The following TRAF3IP1 variants were observed in gnomAD, a reference collection of about 807,000 sequenced individuals.
TRAF3IP1 encodes the protein intraflagellar transport 54, also known as TRAF3-interacting protein 1.
Under a neutral mutation model 89.9 loss-of-function variants are expected in TRAF3IP1, and 53 were observed. The observed-to-expected ratio is 0.59, with a 90% CI of 0.47 to 0.74. The LOEUF (loss-of-function observed/expected upper bound fraction) is 0.74. Among genes scored for constraint, TRAF3IP1 ranks in the 30% least tolerant of loss-of-function variants. TRAF3IP1 has a pLI of 0.00. For missense variants in TRAF3IP1, 806 were observed against 866.1 expected (o/e 0.93, Z 0.87); for synonymous variants, 311 against 322.1 (o/e 0.97, Z 0.37).
At chr2:238,366,962 G>C (rs1264499333) in intron 15 of TRAF3IP1, among the ~76,000 whole-genome samples, 1 of 151,870 alleles carries the variant, frequency 6.6e-6, no homozygotes, top group Non-Finnish European at 1.5e-5. Context: ...GGGAGATTGA[G>C]ACCATCCTGG....
intron 15 of TRAF3IP1, among the ~76,000 whole-genome samples, chr2:238,389,748 A>G (rs1700916857): frequency 6.8e-6 from 1 of 146,336 alleles, no homozygotes; most frequent in Non-Finnish European, 1.5e-5. Context: ...ACTCCATCTC[A>G]AATAATAATA....
Position 238,349,835 on chromosome 2 carries a change from C to T in TRAF3IP1, c.1451+427C>T, listed in dbSNP as rs1044013377. ...CTGTAATCCCAACATTTTGGGAGGC[C>T]GAGGCGGGCGGATGGCTTGAGGTCA... is the stretch of plus-strand genomic sequence containing the variant. On this transcript the variant is annotated intron_variant, in intron 12 of 16. Coordinates refer to ENST00000373327, the MANE Select transcript of TRAF3IP1 (RefSeq NM_015650.4). Among the ~76,000 whole-genome samples the T allele has an allele frequency of 1.2e-4, 19 of 152,130 alleles. 2 individuals are homozygous for T. Among genetic ancestry groups the T allele is most frequent in the African/African-American group, 1.9e-4 (8 of 41,432 alleles).
intron 5 of TRAF3IP1, among the ~76,000 whole-genome samples, chr2:238,330,081 A>G (rs1007816821): frequency 6.6e-6 from 1 of 151,584 alleles, no homozygotes; most frequent in Non-Finnish European, 1.5e-5. Context: ...CATTTGTGTC[A>G]CTCTCAGTAT....
At chr2:238,332,546 T>G (rs1317934736) in intron 5 of TRAF3IP1, among the ~76,000 whole-genome samples, 3 of 152,114 alleles carry the variant, frequency 2.0e-5, no homozygotes, top group South Asian at 2.1e-4. Flanking sequence ...TAGGGATTCG[T>G]GTTCTGTGTA....
chr2:238,344,482 A>C lies in TRAF3IP1; in HGVS notation c.1160-15A>C. 6.2e-7 allele frequency: 1 copy of C among 1,607,282 alleles called. No individual in the cohort carries two copies. Among genetic ancestry groups the C allele is most frequent in the Non-Finnish European group, 8.5e-7 (1 of 1,173,838 alleles). On this transcript the variant is annotated splice_polypyrimidine_tract_variant and intron_variant, in intron 8 of 16. Coordinates refer to ENST00000373327, the MANE Select transcript of TRAF3IP1 (RefSeq NM_015650.4). ...GTACAGTCTTAATGACTAATTTTAA[A>C]CTGTTTTATGTCAGGAACAAAAGAA... is the stretch of plus-strand genomic sequence containing the variant.
At chr2:238,366,855 G>A (rs546674064) in intron 15 of TRAF3IP1, among the ~76,000 whole-genome samples, 2 of 152,200 alleles carry the variant, frequency 1.3e-5, no homozygotes, top group African/African-American at 2.4e-5. Flanking sequence ...ATGATGTTGT[G>A]TTAGCCCCAG....
intron 15 of TRAF3IP1, among the ~76,000 whole-genome samples, chr2:238,388,658 C>T (rs1451110736): frequency 1.5e-5 from 2 of 132,888 alleles, no homozygotes; most frequent in African/African-American, 5.7e-5. Context: ...AGTGCAATGG[C>T]GTGATCTCAG....
At chr2:238,375,466 C>G (rs1232976948) in intron 15 of TRAF3IP1, among the ~76,000 whole-genome samples, 1 of 152,168 alleles carries the variant, frequency 6.6e-6, no homozygotes, top group Non-Finnish European at 1.5e-5. Flanking sequence ...ATCCTGAGTT[C>G]TAATTTGATT....
chr2:238,376,619 G>T (rs1700327834), intron 15 of TRAF3IP1, among the ~76,000 whole-genome samples: 1 of 152,114 alleles, frequency 6.6e-6, no homozygotes, highest in African/African-American at 2.4e-5. Flanking sequence ...GTCTTTTAGT[G>T]AATGTTTATA....
chr2:238,369,785 T>G (rs1296786108), intron 15 of TRAF3IP1, among the ~76,000 whole-genome samples: 1 of 152,222 alleles, frequency 6.6e-6, no homozygotes, highest in Non-Finnish European at 1.5e-5. Flanking sequence ...GGAAGTACTT[T>G]GTACAATCGA....
At chr2:238,368,984 C>T (rs958835452) in intron 15 of TRAF3IP1, among the ~76,000 whole-genome samples, 14 of 152,056 alleles carry the variant, frequency 9.2e-5, no homozygotes, top group African/African-American at 2.4e-4. Context: ...TTGATAAATA[C>T]TTTGTAAATA....
chr2:238,357,837 A>G (rs2106333687), intron 15 of TRAF3IP1, among the ~76,000 whole-genome samples: 1 of 152,324 alleles, frequency 6.6e-6, no homozygotes, highest in African/African-American at 2.4e-5. Context: ...ATTTTTACGC[A>G]AAGCATATTA....
intron 15 of TRAF3IP1, among the ~76,000 whole-genome samples, chr2:238,384,587 G>A (rs1312785397): frequency 1.6e-5 from 2 of 124,034 alleles, no homozygotes; most frequent in Non-Finnish European, 3.3e-5. Flanking sequence ...GTTTTACCAT[G>A]TTGGCCAGGC....
At chr2:238,369,942 A>G (rs2106349331) in intron 15 of TRAF3IP1, among the ~76,000 whole-genome samples, 1 of 152,264 alleles carries the variant, frequency 6.6e-6, no homozygotes, top group South Asian at 2.1e-4. Context: ...AGCTCCTTCA[A>G]GCTGGCTTTG....
chr2:238,369,287 G>A (rs558150368), intron 15 of TRAF3IP1, among the ~76,000 whole-genome samples: 43 of 152,178 alleles, frequency 2.8e-4, no homozygotes, highest in Non-Finnish European at 5.9e-4. Context: ...AGCAGGCAAA[G>A]CATTCACTTG....
intron 3 of TRAF3IP1, among the ~76,000 whole-genome samples, chr2:238,327,423 C>T (rs1011766981): frequency 1.7e-4 from 26 of 152,280 alleles, no homozygotes; most frequent in African/African-American, 4.3e-4. Context: ...GCGGCAATCA[C>T]GCAGCATGTG....
intron 15 of TRAF3IP1, among the ~76,000 whole-genome samples, chr2:238,396,131 A>G (rs527390292): frequency 6.6e-6 from 1 of 152,184 alleles, no homozygotes; most frequent in South Asian, 2.1e-4. Flanking sequence ...AACCAACCCA[A>G]ATGTCCAACA....
At chr2:238,378,593 G>C (rs889809478) in intron 15 of TRAF3IP1, among the ~76,000 whole-genome samples, 3 of 152,164 alleles carry the variant, frequency 2.0e-5, no homozygotes, top group Non-Finnish European at 4.4e-5. Context: ...CTATATTAAA[G>C]TGGAATTGGC....
chr2:238,387,681 T>C (rs1160811347), intron 15 of TRAF3IP1, among the ~76,000 whole-genome samples: 1 of 152,234 alleles, frequency 6.6e-6, no homozygotes, highest in Non-Finnish European at 1.5e-5. Flanking sequence ...ACCCAAATGT[T>C]GTCCGTCAGT....
Sources: gnomAD v4.1 joint callset for allele counts (sites outside exome capture counted in the v4.1 genomes callset) on GRCh38, gnomAD v4.1.1 for gene constraint, MANE v1.5 for transcripts, NCBI Gene and HGNC (gene_info 2026-07-23, HGNC 2026-07-21) for gene names.